SERINC5: variants seen among roughly 807,000 people sequenced by gnomAD.
SERINC5 encodes serine incorporator 5.
A neutral mutation model predicts 63.1 loss-of-function variants in SERINC5; 41 were observed. That is an observed-to-expected ratio of 0.65 (90% CI 0.51 to 0.84). The LOEUF (loss-of-function observed/expected upper bound fraction) is 0.84, where lower values mean the gene tolerates loss of function less well. Among genes scored for constraint, SERINC5 ranks in the 40% least tolerant of loss-of-function variants. The pLI is 0.00. For missense variants in SERINC5, 523 were observed against 573.0 expected (o/e 0.91, Z 0.89); for synonymous variants, 222 against 215.2 (o/e 1.03, Z -0.28).
At chr5:80,121,447 C>G (rs1486802753) in intron 11 of SERINC5, among the ~76,000 whole-genome samples, 1 of 152,136 alleles carries the variant, frequency 6.6e-6, no homozygotes, top group Non-Finnish European at 1.5e-5. Flanking sequence ...CACTGACTAT[C>G]ACAAGGTCAG....
intron 2 of SERINC5, among the ~76,000 whole-genome samples, chr5:80,197,256 G>A (rs1749562461): frequency 7.5e-6 from 1 of 133,168 alleles, no homozygotes; most frequent in African/African-American, 2.8e-5. Context: ...GGCTGAAGCA[G>A]AAGATCGTGC....
chr5:80,227,657 C>T (rs1751229672), intron 1 of SERINC5, among the ~76,000 whole-genome samples: 1 of 150,558 alleles, frequency 6.6e-6, no homozygotes, highest in African/African-American at 2.4e-5. Context: ...AAATTGACTA[C>T]CTGATTTTTG....
chr5:80,168,906 C>G (rs1398953051), intron 6 of SERINC5, among the ~76,000 whole-genome samples: 1 of 152,164 alleles, frequency 6.6e-6, no homozygotes, highest in Non-Finnish European at 1.5e-5. Context: ...CTTCCTGACT[C>G]CCAGACCACA....
intron 5 of SERINC5, among the ~76,000 whole-genome samples, chr5:80,174,348 C>T (rs1172398589): frequency 1.4e-5 from 2 of 139,788 alleles, no homozygotes; most frequent in East Asian, 4.5e-4. Context: ...GCCTGAATGA[C>T]AAAGTGGGAT....
chr5:80,182,775 G>A (rs1022268906), intron 2 of SERINC5, among the ~76,000 whole-genome samples: 76 of 152,116 alleles, frequency 5.0e-4, no homozygotes, highest in African/African-American at 1.8e-3. Context: ...TGAACTCCTG[G>A]CCTCAAATGA....
intron 1 of SERINC5, among the ~76,000 whole-genome samples, chr5:80,205,975 CAAAAAA>C (rs368524252): frequency 5.4e-5 from 4 of 74,326 alleles, no homozygotes; most frequent in Admixed American, 1.4e-4. Flanking sequence ...TGGTGGTGCA[CAAAAAA>C]AAAAAAAAAA....
At chr5:80,254,098 G>A (rs1046228839) in intron 1 of SERINC5, among the ~76,000 whole-genome samples, 1 of 152,108 alleles carries the variant, frequency 6.6e-6, no homozygotes, top group Non-Finnish European at 1.5e-5. Context: ...GCAATTTTGT[G>A]TTTTTAGTAG....
At chr5:80,120,538 G>C (rs1046901099) in intron 11 of SERINC5, among the ~76,000 whole-genome samples, 1 of 152,156 alleles carries the variant, frequency 6.6e-6, no homozygotes, top group African/African-American at 2.4e-5. Context: ...AATACCCATG[G>C]CCAGGCGTGG....
chr5:80,116,089 G>A (rs1274263053), intron 11 of SERINC5: 2 of 353,638 alleles, frequency 5.7e-6, no homozygotes, highest in African/African-American at 4.3e-5. Context: ...AGGGGTGTGA[G>A]GCAGGGCAGA....
At chr5:80,168,214 C>T (rs78364405) in intron 6 of SERINC5, among the ~76,000 whole-genome samples, 12 of 147,496 alleles carry the variant, frequency 8.1e-5, no homozygotes, top group African/African-American at 2.2e-4. Flanking sequence ...TTTTTTTTTT[C>T]GACACAGAGT....
At position 80,143,292 on chromosome 5, in the gene SERINC5, T is replaced by C. The variant is rs1198677394; in HGVS notation, c.*371A>G. The C allele has an allele frequency of 9.9e-7, 1 of 1,006,974 alleles. No homozygotes were observed. The highest frequency in any genetic ancestry group is 1.2e-6 in the Non-Finnish European group (1 of 843,494). 62.4% of individuals were successfully genotyped at this position (1,006,974 alleles called of 1,614,324 possible). ...GGGACTCAAGATTTTGGCATGTTTT[T>C]CTATTCCGAGGATGAGAATGACTGG... On this transcript the variant is annotated 3_prime_UTR_variant, in exon 12 of 12. Transcript: ENST00000507668.
intron 4 of SERINC5, among the ~76,000 whole-genome samples, chr5:80,176,304 T>G (rs905729688): frequency 6.6e-6 from 1 of 152,200 alleles, no homozygotes; most frequent in Non-Finnish European, 1.5e-5. Context: ...TAACAGTATT[T>G]TAGGTAACAG....
chr5:80,202,837 C>A (rs754875040), intron 2 of SERINC5, 49 bp downstream of exon 2: 5 of 1,554,392 alleles, frequency 3.2e-6, no homozygotes, highest in South Asian at 1.2e-5. Context: ...TTCCCACACA[C>A]CCTCATCAAA....
intron 8 of SERINC5, among the ~76,000 whole-genome samples, chr5:80,151,242 T>C (rs934056805): frequency 6.6e-6 from 1 of 152,232 alleles, no homozygotes; most frequent in Non-Finnish European, 1.5e-5. Flanking sequence ...CTCTCCTCCC[T>C]CAAATGCTAC....
intron 2 of SERINC5, among the ~76,000 whole-genome samples, chr5:80,188,885 G>A (rs1749004457): frequency 1.3e-5 from 2 of 151,926 alleles, no homozygotes; most frequent in Admixed American, 6.6e-5. Context: ...CCATGATCGC[G>A]CCACTGCACT....
intron 1 of SERINC5, among the ~76,000 whole-genome samples, chr5:80,239,942 TG>T (rs1186693350): frequency 6.6e-6 from 1 of 152,116 alleles, no homozygotes; most frequent in East Asian, 1.9e-4. Context: ...AGGAAGTCAG[TG>T]GGGCCAGCTC....
In SERINC5 at chr5:80,142,253, G is replaced by C; in HGVS notation, c.*1410C>G. 1 of 985,420 alleles carries C rather than the reference G, an allele frequency of 1.0e-6. No individual in the cohort carries two copies. The highest frequency in any genetic ancestry group is 1.2e-6 in the Non-Finnish European group (1 of 829,940). 61.0% of individuals were successfully genotyped at this position (985,420 alleles called of 1,614,324 possible). On this transcript the variant is annotated 3_prime_UTR_variant, in exon 12 of 12. Transcript: ENST00000507668. ...GGTAGCTGCCGAAAGTCACGTTTCT[G>C]TATTACTTTGCAAGTACGTATTTTG...
intron 11 of SERINC5, chr5:80,114,530 T>C (rs1472925490): frequency 5.1e-6 from 1 of 197,660 alleles, no homozygotes; most frequent in Non-Finnish European, 1.1e-5. Context: ...GGCACATGCC[T>C]GTAACCCCAG....
At chr5:80,229,270 T>C (rs7712811) in intron 1 of SERINC5, among the ~76,000 whole-genome samples, 80,175 of 150,954 alleles carry the variant, frequency 0.53, 22,583 homozygotes, top group African/African-American at 0.73. Context: ...GTGATCCACC[T>C]GCCTTGGTCT....
Sources: gnomAD v4.1 joint callset for allele counts (sites outside exome capture counted in the v4.1 genomes callset) on GRCh38, gnomAD v4.1.1 for gene constraint, MANE v1.5 for transcripts, NCBI Gene and HGNC (gene_info 2026-07-23, HGNC 2026-07-21) for gene names.